The following NAV2 variants were observed in gnomAD, a reference collection of about 807,000 sequenced individuals.
The protein encoded by NAV2 is neuron navigator 2.
Under a neutral mutation model 223.2 loss-of-function variants are expected in NAV2, and 54 were observed. That is an observed-to-expected ratio of 0.24 (90% CI 0.19 to 0.30). The LOEUF is 0.30. NAV2 is among the 10% of genes least tolerant of loss of function. The probability of loss-of-function intolerance (pLI) is 1.00; values close to 1 mark genes in which losing one functional copy is unlikely to be tolerated. For missense variants in NAV2, 2,806 were observed against 3,147.5 expected (o/e 0.89, Z 2.60); for synonymous variants, 1,279 against 1,239.3 (o/e 1.03, Z -0.67).
At chr11:19,720,951 A>G (rs1360112635) in intron 1 of NAV2, among the ~76,000 whole-genome samples, 1 of 152,220 alleles carries the variant, frequency 6.6e-6, no homozygotes, top group Non-Finnish European at 1.5e-5. Context: ...TGAAGTTACT[A>G]TGAAGATTAA....
chr11:19,946,291 A>C, intron 8 of NAV2, 110 bp from the exon 9 acceptor site: 2 of 857,722 alleles, frequency 2.3e-6, no homozygotes, highest in Non-Finnish European at 3.5e-6. Context: ...ACCCACAGCA[A>C]GGCACGTGCT....
At chr11:19,742,557 G>A (rs2052942046) in intron 1 of NAV2, among the ~76,000 whole-genome samples, 1 of 152,162 alleles carries the variant, frequency 6.6e-6, no homozygotes, top group Non-Finnish European at 1.5e-5. Flanking sequence ...GTAAGAGCTG[G>A]TGGCTGGCAG....
intron 12 of NAV2, among the ~76,000 whole-genome samples, chr11:20,041,719 T>G (rs1317572277): frequency 6.6e-6 from 1 of 152,188 alleles, no homozygotes; most frequent in African/African-American, 2.4e-5. Context: ...CAATAAATAT[T>G]TGTGAAGTGA....
At chr11:19,778,002 G>C (rs2056420093) in intron 1 of NAV2, 1 of 455,036 alleles carries the variant, frequency 2.2e-6, no homozygotes, top group Non-Finnish European at 4.4e-6. Context: ...TATGCACCGG[G>C]TCCTCCTCCC....
intron 1 of NAV2, among the ~76,000 whole-genome samples, chr11:19,375,487 C>A (rs546182220): frequency 6.6e-5 from 10 of 152,304 alleles, no homozygotes; most frequent in African/African-American, 2.4e-4. Flanking sequence ...CCTCCTCCCC[C>A]ACAAACTCAG....
At position 20,107,692 on chromosome 11, in the gene NAV2, C is replaced by T. The variant is rs750291270; in HGVS notation, c.6870C>T (p.Ile2290=). 5 of 1,614,142 alleles carry T rather than the reference C, an allele frequency of 3.1e-6. No homozygotes were observed. Among genetic ancestry groups the T allele is most frequent in the South Asian group, 1.1e-5 (1 of 91,088 alleles). The stretch of plus-strand genomic sequence containing the variant: ...CCCGGCTCTTCCTGTCATGCCCCAT[C>T]GATGTGGACGGCTCGAGAGTGTGGT... The part of the protein sequence containing the change: ...IGPRLFLSCP[I]DVDGSRVWFT... The change falls in exon 36 of 38, where the codon ATC becomes ATT. Residue 2290 remains isoleucine (I), a synonymous_variant. Coordinates refer to ENST00000349880, the MANE Select transcript of NAV2 (RefSeq NM_145117.5).
At chr11:19,797,828 C>T (rs565471261) in intron 1 of NAV2, among the ~76,000 whole-genome samples, 1 of 152,252 alleles carries the variant, frequency 6.6e-6, no homozygotes, top group South Asian at 2.1e-4. Flanking sequence ...TGGCCCTCCT[C>T]AGGTGGTCCT....
chr11:19,843,824 A>G (rs2060637810), intron 3 of NAV2, among the ~76,000 whole-genome samples: 1 of 151,492 alleles, frequency 6.6e-6, no homozygotes, highest in Admixed American at 6.6e-5. Context: ...GAGTAGGCAC[A>G]GTTTGATAGG....
intron 1 of NAV2, among the ~76,000 whole-genome samples, chr11:19,588,827 G>A (rs992827617): frequency 6.6e-6 from 1 of 152,200 alleles, no homozygotes; most frequent in Non-Finnish European, 1.5e-5. Flanking sequence ...AATCTTGCTG[G>A]GCTTGGTCAG....
chr11:19,618,589 G>A (rs1029109158), intron 1 of NAV2, among the ~76,000 whole-genome samples: 1 of 152,126 alleles, frequency 6.6e-6, no homozygotes, highest in African/African-American at 2.4e-5. Context: ...GAAGCAATGG[G>A]AACAGTCTGA....
chr11:19,462,002 T>C (rs1455724676), intron 1 of NAV2, among the ~76,000 whole-genome samples: 1 of 152,210 alleles, frequency 6.6e-6, no homozygotes, highest in Non-Finnish European at 1.5e-5. Context: ...AGAGACGCAG[T>C]TTCACCATGT....
intron 1 of NAV2, among the ~76,000 whole-genome samples, chr11:19,382,413 A>C (rs1848877285): frequency 6.6e-6 from 1 of 152,124 alleles, no homozygotes; most frequent in African/African-American, 2.4e-5. Context: ...CGACTGGCAA[A>C]CCTTGATGAA....
chr11:19,662,727 T>C (rs1231822787), intron 1 of NAV2, among the ~76,000 whole-genome samples: 1 of 152,240 alleles, frequency 6.6e-6, no homozygotes, highest in Admixed American at 6.5e-5. Context: ...TAGCAGGATA[T>C]AGGCTTCCTA....
At chr11:19,376,667 C>T (rs1202345548) in intron 1 of NAV2, among the ~76,000 whole-genome samples, 2 of 152,212 alleles carry the variant, frequency 1.3e-5, no homozygotes, top group Non-Finnish European at 2.9e-5. Context: ...CAGATACTGT[C>T]TAGAACCCTC....
intron 1 of NAV2, among the ~76,000 whole-genome samples, chr11:19,621,637 C>A (rs2046998898): frequency 6.7e-6 from 1 of 149,130 alleles, no homozygotes; most frequent in Non-Finnish European, 1.5e-5. Flanking sequence ...CTATTTGATT[C>A]TTCTCTCATT....
intron 1 of NAV2, among the ~76,000 whole-genome samples, chr11:19,515,470 A>AT (rs1309958117): frequency 3.3e-5 from 5 of 152,124 alleles, no homozygotes; most frequent in Non-Finnish European, 5.9e-5. Context: ...CATGAACACA[A>AT]TTTTTTAAGT....
At chr11:20,090,777 C>G in intron 26 of NAV2, 88 bp from the exon 27 acceptor site, 1 of 1,428,828 alleles carries the variant, frequency 7.0e-7, no homozygotes, top group Non-Finnish European at 9.5e-7. Flanking sequence ...ACAGTTACTG[C>G]TAAACAAACC....
intron 1 of NAV2, among the ~76,000 whole-genome samples, chr11:19,392,294 A>G (rs1199363252): frequency 6.6e-6 from 1 of 152,236 alleles, no homozygotes; most frequent in Non-Finnish European, 1.5e-5. Context: ...ATTTATTGCT[A>G]TATAACAAAC....
chr11:19,578,610 T>C (rs1370549157), intron 1 of NAV2, among the ~76,000 whole-genome samples: 2 of 152,252 alleles, frequency 1.3e-5, no homozygotes, highest in African/African-American at 4.8e-5. Flanking sequence ...GTATACACTC[T>C]GAGTACACTA....
Sources: allele counts gnomAD v4.1 joint callset (sites outside exome capture counted in the v4.1 genomes callset), GRCh38; gene constraint gnomAD v4.1.1; transcripts MANE v1.5; gene names NCBI Gene and HGNC (gene_info 2026-07-23, HGNC 2026-07-21).